Variants in IL1RAPL1 observed in about 807,000 individuals in gnomAD.
IL1RAPL1 encodes the protein interleukin-1 receptor accessory protein-like 1.
A neutral mutation model predicts 48.4 loss-of-function variants in IL1RAPL1; 3 were observed. The ratio of observed to expected loss-of-function variants is 0.06; its 90% CI spans 0.03 to 0.16. IL1RAPL1 has a LOEUF of 0.16. Among genes scored for constraint, IL1RAPL1 ranks in the 10% least tolerant of loss-of-function variants. The pLI is 1.00. For missense variants in IL1RAPL1, 349 were observed against 530.6 expected, an observed-to-expected ratio of 0.66 and a Z score of 3.36; for synonymous variants, 185 against 187.7, an observed-to-expected ratio of 0.99 and a Z score of 0.12.
chrX:28,600,709 G>A (rs1332554268), intron 1 of IL1RAPL1, among the ~76,000 whole-genome samples: 1 of 111,793 alleles, frequency 8.9e-6, no homozygotes, highest in African/African-American at 3.3e-5. Context: ...AGAACAGACA[G>A]TGAAAGCAGT....
intron 6 of IL1RAPL1, among the ~76,000 whole-genome samples, chrX:29,772,586 T>A (rs1370140949): frequency 8.9e-6 from 1 of 112,008 alleles, no homozygotes; most frequent in Non-Finnish European, 1.9e-5. Flanking sequence ...ATTACTGTAC[T>A]TTATACTAAA....
chrX:28,990,325 C>A (rs976091012), intron 2 of IL1RAPL1, among the ~76,000 whole-genome samples: 1 of 111,915 alleles, frequency 8.9e-6, no homozygotes, highest in South Asian at 3.8e-4. Context: ...AATAAGCTTA[C>A]CTTGTATTAC....
At chrX:28,818,990 A>G (rs988375897) in intron 2 of IL1RAPL1, among the ~76,000 whole-genome samples, 1 of 110,761 alleles carries the variant, frequency 9.0e-6, no homozygotes, top group Non-Finnish European at 1.9e-5. Flanking sequence ...TCATAGTTTT[A>G]TTCCTCTGTC....
At chrX:29,885,211 T>C (rs1330442118) in intron 6 of IL1RAPL1, among the ~76,000 whole-genome samples, 1 of 111,693 alleles carries the variant, frequency 9.0e-6, no homozygotes, top group Non-Finnish European at 1.9e-5. Flanking sequence ...CTCCCTCACC[T>C]CCAAGTTTTT....
rs191830039 is a variant in IL1RAPL1 at position 29,946,167 on chromosome X, C to T, written c.1201+4373C>T. 4.9e-3 allele frequency among the ~76,000 whole-genome samples: 549 copies of T among 112,339 alleles called. 4 individuals carry two copies. Among genetic ancestry groups the T allele is most frequent in the African/African-American group, 0.017 (517 of 30,953 alleles). On this transcript the variant is annotated intron_variant, in intron 9 of 10. Transcript: ENST00000378993. ...GCCTCCTACACCACCCTCTTGTTTT[C>T]ATTCTCTACTTCTCTATCTTATCCT... is the stretch of plus-strand genomic sequence containing the variant.
At chrX:28,696,322 GT>G (rs1481105272) in intron 1 of IL1RAPL1, among the ~76,000 whole-genome samples, 2 of 110,381 alleles carry the variant, frequency 1.8e-5, no homozygotes, top group East Asian at 5.7e-4. Flanking sequence ...CAAATACAGG[GT>G]TTTATTATGT....
At chrX:28,785,521 C>T (rs1232281907) in intron 1 of IL1RAPL1, among the ~76,000 whole-genome samples, 1 of 111,996 alleles carries the variant, frequency 8.9e-6, no homozygotes, top group Non-Finnish European at 1.9e-5. Flanking sequence ...TTCTGATTCA[C>T]ACTCCCTCTG....
intron 2 of IL1RAPL1, among the ~76,000 whole-genome samples, chrX:28,983,445 T>G (rs186171540): frequency 2.4e-3 from 274 of 112,183 alleles, no homozygotes; most frequent in African/African-American, 8.5e-3. Context: ...GCAGTGCCAC[T>G]AATCTAAAGC....
At chrX:29,948,457 C>T (rs1010034460) in intron 9 of IL1RAPL1, among the ~76,000 whole-genome samples, 1 of 111,072 alleles carries the variant, frequency 9.0e-6, no homozygotes, top group Non-Finnish European at 1.9e-5. Context: ...TAAAATCAAA[C>T]CATTAAGGTT....
intron 2 of IL1RAPL1, among the ~76,000 whole-genome samples, chrX:29,063,316 A>G (rs928512961): frequency 1.8e-5 from 2 of 111,841 alleles, no homozygotes; most frequent in African/African-American, 6.5e-5. Context: ...TTCAATAATT[A>G]TAAGCATTTT....
intron 2 of IL1RAPL1, among the ~76,000 whole-genome samples, chrX:28,883,222 A>G (rs1922548162): frequency 8.9e-6 from 1 of 112,064 alleles, no homozygotes; most frequent in Admixed American, 9.5e-5. Flanking sequence ...AGCCTATGCA[A>G]ACCTCTCTTT....
chrX:29,070,511 G>A (rs1927544352), intron 2 of IL1RAPL1, among the ~76,000 whole-genome samples: 1 of 111,298 alleles, frequency 9.0e-6, no homozygotes, highest in Admixed American at 9.6e-5. Flanking sequence ...ATGGCCTTGA[G>A]GTTCTTCCAA....
chrX:28,806,064 T>C (rs777199892), intron 2 of IL1RAPL1, among the ~76,000 whole-genome samples: 1 of 111,505 alleles, frequency 9.0e-6, no homozygotes, highest in South Asian at 3.7e-4. Context: ...ATGATCTCTA[T>C]ATAGGTTAAG....
chrX:29,168,481 A>T (rs565781006), intron 2 of IL1RAPL1, among the ~76,000 whole-genome samples: 3 of 100,128 alleles, frequency 3.0e-5, no homozygotes, highest in African/African-American at 1.1e-4. Flanking sequence ...ATTTAACATA[A>T]TATCCTCCAG....
chrX:29,318,973 G>C lies in IL1RAPL1; in HGVS notation c.362+35756G>C, dbSNP rs1932780811. Among the ~76,000 whole-genome samples, 4 of 110,643 alleles carry C rather than the reference G, an allele frequency of 3.6e-5. 1 individual carries two copies. Among genetic ancestry groups the C allele is most frequent in the African/African-American group, 1.3e-4 (4 of 30,354 alleles). On this transcript the variant is annotated intron_variant, in intron 3 of 10. Transcript: ENST00000378993. ...TTTAGTATTTTGGTCATCTTTTATG[G>C]TCAATTATAAAAGAAAAGGATCCAT...
At chrX:29,419,960 A>G (rs1163627485) in intron 5 of IL1RAPL1, among the ~76,000 whole-genome samples, 2 of 111,808 alleles carry the variant, frequency 1.8e-5, no homozygotes, top group Non-Finnish European at 3.8e-5. Context: ...GAACCATGTG[A>G]CTAGTTCTTA....
chrX:29,139,890 A>T (rs963883104), intron 2 of IL1RAPL1, among the ~76,000 whole-genome samples: 2 of 111,709 alleles, frequency 1.8e-5, no homozygotes, highest in Admixed American at 9.6e-5. Flanking sequence ...TAAGGTTGAA[A>T]CTTAAAGAAC....
At chrX:28,891,468 C>A (rs1922768958) in intron 2 of IL1RAPL1, among the ~76,000 whole-genome samples, 2 of 111,894 alleles carry the variant, frequency 1.8e-5, no homozygotes, top group Admixed American at 9.5e-5. Flanking sequence ...ATCCCCCTTT[C>A]CCCTGCTACT....
chrX:28,798,846 G>A (rs1047022224), intron 2 of IL1RAPL1, among the ~76,000 whole-genome samples: 1 of 111,804 alleles, frequency 8.9e-6, no homozygotes, highest in Non-Finnish European at 1.9e-5. Context: ...ACAGGGCAGA[G>A]GGAAAGGAAG....
Sources: allele counts gnomAD v4.1 joint callset (sites outside exome capture counted in the v4.1 genomes callset), GRCh38; gene constraint gnomAD v4.1.1; transcripts MANE v1.5; gene names NCBI Gene and HGNC (gene_info 2026-07-23, HGNC 2026-07-21).